Variants in FBXO2 observed in about 807,000 individuals in gnomAD.
FBXO2 encodes the protein F-box protein 2.
In FBXO2, 32 loss-of-function variants were observed where a neutral mutation model predicts 38.6. That is an observed-to-expected ratio of 0.83 (90% CI 0.62 to 1.11). FBXO2 has a LOEUF of 1.11. Ranked by LOEUF, FBXO2 falls within the 50% of genes most tolerant of loss-of-function variation. The pLI is 0.00. For missense variants in FBXO2, 450 were observed against 418.3 expected (o/e 1.08, Z -0.66); for synonymous variants, 189 against 182.9 (o/e 1.03, Z -0.27).
rs773349330 is a variant in FBXO2 at position 11,648,680 on chromosome 1, G to A, written c.*14C>T. 1.7e-5 allele frequency: 28 copies of A among 1,612,408 alleles called. No individual in the cohort carries two copies. Among genetic ancestry groups the A allele is most frequent in the Non-Finnish European group, 2.1e-5 (25 of 1,179,284 alleles). On this transcript the variant is annotated 3_prime_UTR_variant, in exon 6 of 6. Coordinates refer to ENST00000354287, the MANE Select transcript of FBXO2 (RefSeq NM_012168.6). The surrounding 1 kb of genome is among the most constrained non-coding windows in gnomAD (Gnocchi z 4.2). ...CCCCTCCAGGCAGCTGGGGGAGAGT[G>A]GAGGCAGGGTCGCTCAGGGTTCTAC...
chr1:11,649,164 G>C lies in FBXO2; in HGVS notation c.679C>G (p.His227Asp). The stretch of plus-strand genomic sequence containing the variant: ...CTGAACTCAGCCAGCACGTTCTCGT[G>C]CTCGGACAGTAGCTTAACGGTGAGC... ...YELTVKLLSE[H>D]ENVLAEFSSG... The change falls in exon 5 of 6, where the codon CAC (histidine) becomes GAC (aspartate). Residue 227 changes from histidine to aspartate, a missense_variant. By Grantham distance (81) the His-to-Asp change is moderately conservative. Transcript: ENST00000354287. 6.3e-7 allele frequency: 1 copy of C among 1,574,994 alleles called. No homozygotes were observed. The highest frequency in any genetic ancestry group is 2.4e-5 in the East Asian group (1 of 42,184).
At chr1:11,649,262 GTGGGGTGGGGGCA>G in intron 4 of FBXO2, 37 bp from the exon 5 acceptor site, 1 of 1,397,570 alleles carries the variant, frequency 7.2e-7, no homozygotes, top group Non-Finnish European at 9.7e-7. Flanking sequence ...GGGGCGGGAG[GTGGGGTGGGGGCA>G]TGGCCTCAGC....
chr1:11,649,837 C>G lies in FBXO2; in HGVS notation c.559G>C (p.Glu187Gln). ...RKAQVIDLQA[E>Q]GYWEELLDTT... ...TCCAGCAGCTCCTCCCAGTAGCCCT[C>G]AGCCTGCAGGTCAATGACCTGTGCT... The change falls in exon 4 of 6, where the codon GAG becomes CAG. Residue 187 changes from glutamate to glutamine, a missense_variant. By Grantham distance (29) the Glu-to-Gln change is conservative. Transcript: ENST00000354287. The G allele has an allele frequency of 6.2e-7, 1 of 1,614,096 alleles. No individual in the cohort carries two copies. Among genetic ancestry groups the G allele is most frequent in the Non-Finnish European group, 8.5e-7 (1 of 1,180,036 alleles).
Position 11,650,738 on chromosome 1 carries a change from G to GCCT in FBXO2, c.116_118dup (p.Glu39dup), listed in dbSNP as rs1174790926. 7.2e-6 allele frequency: 11 copies of GCCT among 1,529,420 alleles called. No homozygotes were observed. The highest frequency in any genetic ancestry group is 4.0e-5 in the Admixed American group (2 of 50,352). 94.7% of individuals were successfully genotyped at this position (1,529,420 alleles called of 1,614,324 possible). Reference sequence around the variant, plus strand: ...GTCCAGGTACGCGGCGGCGGCCGCCGCCTCCTCCTCCTGCTGGTCCTCCGG... The same window carrying GCCT: ...GTCCAGGTACGCGGCGGCGGCCGCCGCCTCCTCCTCCTCCTGCTGGTCCTCCGG... On this transcript the variant is annotated inframe_insertion, in exon 2 of 6. Transcript: ENST00000354287.
rs869083870 is a variant in FBXO2 at position 11,650,730 on chromosome 1, CG to C, written c.126del (p.Ala43ProfsTer74). 6.5e-7 allele frequency: 1 copy of C among 1,529,296 alleles called. No individual in the cohort carries two copies. The highest frequency in any genetic ancestry group is 8.7e-7 in the Non-Finnish European group (1 of 1,144,710). The allele number at this position is 1,529,296 out of a possible 1,614,324, so 94.7% of individuals were successfully genotyped here. The stretch of plus-strand genomic sequence containing the variant: ...GGCAGCTCGTCCAGGTACGCGGCGG[CG>C]GCCGCCGCCTCCTCCTCCTGCTGGT... ...PEDQQEEEAA[A>X]AAAYLDELPE... On this transcript the variant is annotated frameshift_variant, in exon 2 of 6. Coordinates refer to ENST00000354287, the MANE Select transcript of FBXO2 (RefSeq NM_012168.6). LOFTEE classifies it high-confidence loss of function.
At position 11,649,101 on chromosome 1, in the gene FBXO2, C is replaced by T. The variant is rs767635810; in HGVS notation, c.742G>A (p.Gly248Arg). 2.5e-6 allele frequency: 4 copies of T among 1,597,856 alleles called. No homozygotes were observed. Among genetic ancestry groups the T allele is most frequent in the Admixed American group, 3.4e-5 (2 of 58,724 alleles). Reference sequence around the variant, plus strand: ...CCCAGGCTCACCTCCATCCAGCCCCCGCCGTCACTGTCTTGGGGCACTGCC... The same window carrying T: ...CCCAGGCTCACCTCCATCCAGCCCCTGCCGTCACTGTCTTGGGGCACTGCC... ...QVAVPQDSDG[G>R]GWMEISHTFT... is the part of the protein sequence containing the mutation. Residue 248 changes from glycine to arginine, a missense_variant, in exon 5 of 6, where the codon GGG becomes AGG. Transcript: ENST00000354287.
At position 11,649,154 on chromosome 1, in the gene FBXO2, A is replaced by C; in HGVS notation, c.689T>G (p.Val230Gly). Residue 230 changes from valine to glycine, a missense_variant, in exon 5 of 6, where the codon GTG becomes GGG. By Grantham distance (109) the Val-to-Gly change is moderately radical. Transcript: ENST00000354287. ...CTGCCCGCTGCTGAACTCAGCCAGC[A>C]CGTTCTCGTGCTCGGACAGTAGCTT... ...TVKLLSEHEN[V>G]LAEFSSGQVA... 1.3e-6 allele frequency: 2 copies of C among 1,583,746 alleles called. No individual in the cohort carries two copies.
At position 11,650,731 on chromosome 1, in the gene FBXO2, G is replaced by GGCA. The variant is rs1553163896; in HGVS notation, c.125_126insTGC (p.Ala45dup). The GGCA allele has an allele frequency of 2.6e-6, 4 of 1,526,302 alleles. No homozygotes were observed. Among genetic ancestry groups the GGCA allele is most frequent in the Non-Finnish European group, 2.6e-6 (3 of 1,144,648 alleles). The allele number at this position is 1,526,302 out of a possible 1,614,324, so 94.5% of individuals were successfully genotyped here. A position where few individuals can be genotyped will look rare whatever the true frequency, so the allele number is the denominator to read the frequency against. ...GCAGCTCGTCCAGGTACGCGGCGGC[G>GGCA]GCCGCCGCCTCCTCCTCCTGCTGGT... On this transcript the variant is annotated inframe_insertion, in exon 2 of 6. Transcript: ENST00000354287.
Position 11,650,687 on chromosome 1 carries a change from C to CGCA in FBXO2, c.167_169dup (p.Leu56dup), listed in dbSNP as rs1203986038. ...GGCGGCCGGCAGTGCGGCCAGCACG[C>CGCA]GCAGCAGCAGCGGCTCGGGCAGCTC... is the stretch of plus-strand genomic sequence containing the variant. On this transcript the variant is annotated inframe_insertion, in exon 2 of 6. Transcript: ENST00000354287. The CGCA allele has an allele frequency of 1.3e-6, 2 of 1,535,808 alleles. No homozygotes were observed. Among genetic ancestry groups the CGCA allele is most frequent in the African/African-American group, 1.4e-5 (1 of 72,222 alleles).
At chr1:11,650,206 A>G in intron 2 of FBXO2, 132 bp from the exon 3 acceptor site, 2 of 1,400,304 alleles carry the variant, frequency 1.4e-6, no homozygotes, top group Non-Finnish European at 1.9e-6. Context: ...GAGAGGGTGG[A>G]CCAGTGGGCA....
intron 2 of FBXO2, 144 bp downstream of exon 2, chr1:11,650,322 C>G: frequency 7.0e-7 from 1 of 1,422,752 alleles, no homozygotes; most frequent in Non-Finnish European, 9.3e-7. Context: ...GGCCAGAGAG[C>G]TACAGTAATA....
chr1:11,654,370 G>T lies in FBXO2; in HGVS notation c.-30C>A. 7.2e-7 allele frequency: 1 copy of T among 1,394,028 alleles called. No homozygotes were observed. Among genetic ancestry groups the T allele is most frequent in the Non-Finnish European group, 9.3e-7 (1 of 1,077,872 alleles). 86.4% of individuals were successfully genotyped at this position (1,394,028 alleles called of 1,614,324 possible). On this transcript the variant is annotated 5_prime_UTR_variant, in exon 1 of 6. Transcript: ENST00000354287. ...GCGGAGGGCGGTCGCGAGAGGAGGA[G>T]CCGGAGCGCTGCGGGCTGCGCGAGT... is the stretch of plus-strand genomic sequence containing the variant.
In FBXO2 at chr1:11,654,407, G is replaced by A; in HGVS notation, c.-67C>T. On this transcript the variant is annotated 5_prime_UTR_variant, in exon 1 of 6. Coordinates refer to ENST00000354287, the MANE Select transcript of FBXO2 (RefSeq NM_012168.6). Reference sequence around the variant, plus strand: ...CGGGCTGCGCGAGTCCCGGGGCGGCGAGTCCCGGCGCTGTCCGCGTCTGTG... The same window carrying A: ...CGGGCTGCGCGAGTCCCGGGGCGGCAAGTCCCGGCGCTGTCCGCGTCTGTG... 1 of 1,323,178 alleles carries A rather than the reference G, an allele frequency of 7.6e-7. No homozygotes were observed. Among genetic ancestry groups the A allele is most frequent in the Non-Finnish European group, 9.7e-7 (1 of 1,035,628 alleles). 82.0% of individuals were successfully genotyped at this position (1,323,178 alleles called of 1,614,324 possible).
At chr1:11,650,335 C>G in intron 2 of FBXO2, 131 bp downstream of exon 2, 1 of 1,446,494 alleles carries the variant, frequency 6.9e-7, no homozygotes, top group Non-Finnish European at 9.1e-7. Flanking sequence ...CAGTAATAGA[C>G]AGCCTTGGGG....
chr1:11,649,657 C>G, intron 4 of FBXO2, 122 bp downstream of exon 4: 1 of 982,238 alleles, frequency 1.0e-6, no homozygotes, highest in Non-Finnish European at 1.5e-6. Context: ...GACCCGTGGC[C>G]CACGTGGCCT....
chr1:11,650,746 C>T lies in FBXO2; in HGVS notation c.111G>A (p.Glu37=). Residue 37 remains glutamate, a synonymous_variant, in exon 2 of 6, where the codon GAG becomes GAA. Transcript: ENST00000354287. ...AEEERPEDQQ[E]EEAAAAAAYL... Reference sequence around the variant, plus strand: ...ACGCGGCGGCGGCCGCCGCCTCCTCCTCCTGCTGGTCCTCCGGCCGCTCCT... The same window carrying T: ...ACGCGGCGGCGGCCGCCGCCTCCTCTTCCTGCTGGTCCTCCGGCCGCTCCT... The T allele has an allele frequency of 1.3e-6, 2 of 1,531,336 alleles. No individual in the cohort carries two copies. The highest frequency in any genetic ancestry group is 1.7e-6 in the Non-Finnish European group (2 of 1,145,170). The allele number at this position is 1,531,336 out of a possible 1,614,324, so 94.9% of individuals were successfully genotyped here. A position where few individuals can be genotyped will look rare whatever the true frequency, so the allele number is the denominator to read the frequency against.
chr1:11,649,723 T>G, intron 4 of FBXO2, 56 bp downstream of exon 4: 1 of 1,563,610 alleles, frequency 6.4e-7, no homozygotes, highest in South Asian at 1.1e-5. Context: ...CAGCTGGCTC[T>G]CCCCTCTGCC....
intron 1 of FBXO2, 91 bp downstream of exon 1, chr1:11,654,228 C>A: frequency 7.3e-7 from 1 of 1,366,144 alleles, no homozygotes; most frequent in South Asian, 1.3e-5. Flanking sequence ...GTCTCCGGGT[C>A]CCCTCGCTCT....
intron 2 of FBXO2, 100 bp from the exon 3 acceptor site, chr1:11,650,174 T>TCTGC (rs1639490201): frequency 6.5e-7 from 1 of 1,531,084 alleles, no homozygotes. Flanking sequence ...GCACTTGGTG[T>TCTGC]CTTGGTGGGC....
Sources: allele counts gnomAD v4.1 joint callset, GRCh38; gene constraint gnomAD v4.1.1; non-coding constraint Gnocchi (gnomAD v3.1); transcripts MANE v1.5; gene names NCBI Gene and HGNC (gene_info 2026-07-23, HGNC 2026-07-21).